LRRC7: variants seen among roughly 807,000 people sequenced by gnomAD.
LRRC7 encodes the protein leucine rich repeat containing 7, also known as leucine-rich repeat-containing protein 7.
A neutral mutation model predicts 175.7 loss-of-function variants in LRRC7; 23 were observed. The ratio of observed to expected loss-of-function variants is 0.13; its 90% confidence interval spans 0.09 to 0.19. The LOEUF is 0.19. LRRC7 is among the 10% of genes least tolerant of loss of function. LRRC7 has a pLI of 1.00. For synonymous variants in LRRC7, 685 were observed against 680.9 expected, an observed-to-expected ratio of 1.01 and a Z score of -0.09; for missense variants, 1,354 against 1,904.7, an observed-to-expected ratio of 0.71 and a Z score of 5.38.
At chr1:69,699,873 G>A (rs1663118161) in intron 2 of LRRC7, among the ~76,000 whole-genome samples, 1 of 152,194 alleles carries the variant, frequency 6.6e-6, no homozygotes, top group African/African-American at 2.4e-5. Flanking sequence ...CTAAGTGTGA[G>A]CCAAGCACCA....
chr1:69,773,654 C>T (rs891652425), intron 3 of LRRC7, among the ~76,000 whole-genome samples: 3 of 152,046 alleles, frequency 2.0e-5, no homozygotes, highest in African/African-American at 7.2e-5. Flanking sequence ...TATGCCTGGA[C>T]CAGAAGAAAC....
intron 2 of LRRC7, among the ~76,000 whole-genome samples, chr1:69,738,064 T>G (rs1053408847): frequency 6.6e-6 from 1 of 152,052 alleles, no homozygotes; most frequent in African/African-American, 2.4e-5. Flanking sequence ...TTCCAGAGGA[T>G]GACACATCTT....
intron 13 of LRRC7, among the ~76,000 whole-genome samples, chr1:70,015,177 T>G (rs1284280091): frequency 3.3e-5 from 5 of 152,188 alleles, no homozygotes; most frequent in African/African-American, 9.6e-5. Context: ...AATTGCGATA[T>G]AATTTAATAT....
At chr1:69,594,012 T>G (rs1050047596) in intron 1 of LRRC7, among the ~76,000 whole-genome samples, 9 of 152,208 alleles carry the variant, frequency 5.9e-5, no homozygotes, top group Non-Finnish European at 1.0e-4. Context: ...ATTTTTTTCC[T>G]TTTGAAATGG....
At chr1:69,759,975 C>T (rs573967869) in intron 2 of LRRC7, among the ~76,000 whole-genome samples, 1 of 152,066 alleles carries the variant, frequency 6.6e-6, no homozygotes, top group African/African-American at 2.4e-5. Context: ...ACTTTTTGAG[C>T]CCATTTTCGA....
intron 4 of LRRC7, among the ~76,000 whole-genome samples, chr1:69,796,548 G>A (rs1307281261): frequency 6.6e-6 from 1 of 152,090 alleles, no homozygotes; most frequent in African/African-American, 2.4e-5. Context: ...ACTTTGGGAG[G>A]CCGAGGTGGG....
At chr1:69,979,863 G>T (rs1039153639) in intron 8 of LRRC7, among the ~76,000 whole-genome samples, 1 of 151,264 alleles carries the variant, frequency 6.6e-6, no homozygotes, top group Non-Finnish European at 1.5e-5. Flanking sequence ...TGGCAAAACC[G>T]CAATTACGTT....
chr1:70,083,605 T>G (rs1663383438), intron 24 of LRRC7, among the ~76,000 whole-genome samples: 1 of 152,172 alleles, frequency 6.6e-6, no homozygotes, highest in Non-Finnish European at 1.5e-5. Context: ...TCTCCTTCAC[T>G]CCAGAAGTTT....
intron 8 of LRRC7, among the ~76,000 whole-genome samples, chr1:69,968,058 A>G (rs963092691): frequency 1.3e-5 from 2 of 152,150 alleles, no homozygotes; most frequent in Non-Finnish European, 2.9e-5. Flanking sequence ...AAAAAATGAT[A>G]CAAGAAGTGA....
In LRRC7 at chr1:70,076,134, G is replaced by C. The variant is rs751107645; in HGVS notation, c.4288G>C (p.Glu1430Gln). Reference protein sequence around the residue: ...GSQSLQHRSREQQPYEGNINK... With the variant: ...GSQSLQHRSRQQQPYEGNINK... ...CCAAAGCCTTCAGCATCGCAGCCGG[G>C]AGCAGCAGCCGTATGAAGGAAATAT... is the stretch of plus-strand genomic sequence containing the variant. The change falls in exon 24 of 27, where the codon GAG becomes CAG. Residue 1430 changes from glutamate to glutamine, a missense_variant. Transcript: ENST00000651989. The C allele has an allele frequency of 6.2e-7, 1 of 1,613,924 alleles. No homozygotes were observed. The highest frequency in any genetic ancestry group is 8.5e-7 in the Non-Finnish European group (1 of 1,179,986).
intron 1 of LRRC7, among the ~76,000 whole-genome samples, chr1:69,627,900 AC>A (rs141889908): frequency 0.14 from 19,390 of 141,212 alleles, 1,680 homozygotes; most frequent in South Asian, 0.21. Context: ...TAAAAGCTTA[AC>A]CAATTATTCC....
At chr1:70,107,013 T>C (rs528186523) in intron 25 of LRRC7, among the ~76,000 whole-genome samples, 4 of 152,232 alleles carry the variant, frequency 2.6e-5, no homozygotes, top group Non-Finnish European at 5.9e-5. Flanking sequence ...TGTGAGCTCA[T>C]TAAAGTCAGA....
intron 9 of LRRC7, among the ~76,000 whole-genome samples, chr1:69,980,708 C>T (rs1653337410): frequency 6.6e-6 from 1 of 151,980 alleles, no homozygotes; most frequent in Non-Finnish European, 1.5e-5. Flanking sequence ...CATCTCTTCC[C>T]ACATTTACTG....
At chr1:69,919,796 GTGT>G in intron 7 of LRRC7, 1 of 835,334 alleles carries the variant, frequency 1.2e-6, no homozygotes, top group Non-Finnish European at 2.0e-6. Context: ...GAGCGGGACA[GTGT>G]TCACGGATTC....
chr1:69,903,823 TCAC>T (rs1294470144), intron 7 of LRRC7, among the ~76,000 whole-genome samples: 1 of 151,780 alleles, frequency 6.6e-6, no homozygotes, highest in Non-Finnish European at 1.5e-5. Flanking sequence ...AAAGGAGAGA[TCAC>T]CACTGATCCC....
chr1:69,752,011 C>T (rs1373094033), intron 2 of LRRC7, among the ~76,000 whole-genome samples: 1 of 152,070 alleles, frequency 6.6e-6, no homozygotes, highest in Non-Finnish European at 1.5e-5. Flanking sequence ...GGATTACAGA[C>T]TTTCCGATAT....
chr1:69,940,731 A>G (rs781095572), intron 8 of LRRC7, among the ~76,000 whole-genome samples: 3 of 152,132 alleles, frequency 2.0e-5, no homozygotes, highest in Non-Finnish European at 4.4e-5. Context: ...AACATACTTG[A>G]GTTATGAATA....
chr1:70,108,183 A>C (rs2102214733), intron 26 of LRRC7, among the ~76,000 whole-genome samples: 1 of 151,770 alleles, frequency 6.6e-6, no homozygotes, highest in Admixed American at 6.6e-5. Flanking sequence ...GACTTTCATG[A>C]GGGAGAAGGA....
At chr1:69,713,205 GC>G (rs1664974267) in intron 2 of LRRC7, among the ~76,000 whole-genome samples, 1 of 151,950 alleles carries the variant, frequency 6.6e-6, no homozygotes, top group Non-Finnish European at 1.5e-5. Context: ...TTATTTTAAG[GC>G]CAGGCACGGT....
Sources: allele counts gnomAD v4.1 joint callset (sites outside exome capture counted in the v4.1 genomes callset), GRCh38; gene constraint gnomAD v4.1.1; transcripts MANE v1.5; gene names NCBI Gene and HGNC (gene_info 2026-07-23, HGNC 2026-07-21).